Variants in CACNA2D3 observed in about 807,000 individuals in gnomAD.
CACNA2D3 encodes voltage-dependent calcium channel subunit alpha-2/delta-3.
Under a neutral mutation model 160.6 loss-of-function variants are expected in CACNA2D3, and 60 were observed. The ratio of observed to expected loss-of-function variants is 0.37; its 90% CI spans 0.30 to 0.46. The LOEUF is 0.46. Ranked by LOEUF, CACNA2D3 falls within the 20% of genes least tolerant of loss-of-function variation. The pLI, the probability that CACNA2D3 is intolerant of heterozygous loss-of-function variation, is 1.00. For missense variants in CACNA2D3, 1,205 were observed against 1,365.0 expected (o/e 0.88, Z 1.85); for synonymous variants, 558 against 492.9 (o/e 1.13, Z -1.75).
At chr3:54,942,326 G>A (rs972603600) in intron 27 of CACNA2D3, among the ~76,000 whole-genome samples, 1 of 152,184 alleles carries the variant, frequency 6.6e-6, no homozygotes, top group African/African-American at 2.4e-5. Context: ...AAGAAGTAGG[G>A]GCTGACCTCT....
Position 54,926,833 on chromosome 3 carries a change from GCTGTGCAGGAACTGGGAGAGGGT to G in CACNA2D3, c.2449+26968_2449+26990del, listed in dbSNP as rs1383282616. 1.2e-3 allele frequency among the ~76,000 whole-genome samples: 189 copies of G among 152,200 alleles called. 3 individuals are homozygous for G. The highest frequency in any genetic ancestry group is 2.4e-4 in the Non-Finnish European group (16 of 68,010). On this transcript the variant is annotated intron_variant, in intron 27 of 37. Transcript: ENST00000474759. ...CAGCATCCTTGTTCAGACTGCCTTGGCTGTGCAGGAACTGGGAGAGGGTCTCTGGAATCCAGAGAAATCTTCTC... is the reference window on the plus strand; with the variant it reads ...CAGCATCCTTGTTCAGACTGCCTTGGCTCTGGAATCCAGAGAAATCTTCTC...
At chr3:54,436,771 G>A (rs1282732213) in intron 4 of CACNA2D3, among the ~76,000 whole-genome samples, 1 of 152,186 alleles carries the variant, frequency 6.6e-6, no homozygotes, top group Non-Finnish European at 1.5e-5. Context: ...ACACCCTGGG[G>A]CCTGTCGGGG....
intron 27 of CACNA2D3, among the ~76,000 whole-genome samples, chr3:54,920,328 G>A (rs778759403): frequency 1.8e-4 from 27 of 152,122 alleles, no homozygotes; most frequent in Non-Finnish European, 3.1e-4. Flanking sequence ...TTATCAGGTG[G>A]CCCCAACACA....
At chr3:54,550,922 T>A (rs1702145857) in intron 5 of CACNA2D3, among the ~76,000 whole-genome samples, 1 of 152,202 alleles carries the variant, frequency 6.6e-6, no homozygotes, top group Non-Finnish European at 1.5e-5. Flanking sequence ...CTTCTCTCCC[T>A]CTGCCACCCT....
intron 17 of CACNA2D3, among the ~76,000 whole-genome samples, chr3:54,863,891 C>T (rs572225466): frequency 2.0e-5 from 3 of 152,288 alleles, no homozygotes; most frequent in African/African-American, 7.2e-5. Context: ...TGACATGCCC[C>T]GTTGCCTCCT....
At chr3:54,234,016 T>A (rs991860377) in intron 2 of CACNA2D3, among the ~76,000 whole-genome samples, 6 of 152,096 alleles carry the variant, frequency 3.9e-5, no homozygotes, top group African/African-American at 1.4e-4. Context: ...AGAAGTAGGA[T>A]CTAATTAAAC....
intron 2 of CACNA2D3, among the ~76,000 whole-genome samples, chr3:54,126,746 G>A (rs1699601389): frequency 6.6e-6 from 1 of 152,184 alleles, no homozygotes; most frequent in Admixed American, 6.5e-5. Context: ...CTGGAGGGAT[G>A]GTGCTGGTGC....
At chr3:54,578,140 A>C (rs1001093661) in intron 8 of CACNA2D3, among the ~76,000 whole-genome samples, 1 of 152,220 alleles carries the variant, frequency 6.6e-6, no homozygotes, top group Non-Finnish European at 1.5e-5. Context: ...GGGAAAGTTT[A>C]AGTACGTCTT....
chr3:54,288,249 C>T (rs775209003), intron 2 of CACNA2D3, among the ~76,000 whole-genome samples: 10 of 152,102 alleles, frequency 6.6e-5, no homozygotes, highest in East Asian at 1.9e-4. Flanking sequence ...ATATCACCAC[C>T]GATTCCACAG....
intron 10 of CACNA2D3, among the ~76,000 whole-genome samples, chr3:54,631,236 A>ACACACACACACACACACAC (rs1559532534): frequency 2.0e-5 from 3 of 151,514 alleles, no homozygotes; most frequent in Admixed American, 6.6e-5. Flanking sequence ...ACACACACAC[A>ACACACACACACACACACAC]AAGATAAATG....
chr3:54,191,869 C>T lies in CACNA2D3; in HGVS notation c.204+68275C>T, dbSNP rs562050798. On this transcript the variant is annotated intron_variant, in intron 2 of 37. Transcript: ENST00000474759. ...GGTAGTCAATGAAGGGCCCCAAAAG[C>T]GTTAGCTGTTGCTGTTGTTGATTAT... Among the ~76,000 whole-genome samples, 8 of 152,314 alleles carry T rather than the reference C, an allele frequency of 5.3e-5. No individual in the cohort carries two copies. In the South Asian group the frequency reaches 1.2e-3, roughly 24 times the overall value.
chr3:54,931,547 C>T (rs1575386293), intron 27 of CACNA2D3, among the ~76,000 whole-genome samples: 2 of 152,288 alleles, frequency 1.3e-5, no homozygotes, highest in Admixed American at 6.5e-5. Flanking sequence ...GAATGCAGCT[C>T]AGGCCAGAGC....
At chr3:54,784,936 A>G (rs548285276) in intron 13 of CACNA2D3, among the ~76,000 whole-genome samples, 8 of 152,346 alleles carry the variant, frequency 5.3e-5, no homozygotes, top group African/African-American at 1.4e-4. Flanking sequence ...TTTGGAGGAC[A>G]TCATGGGAAG....
At chr3:54,622,305 T>C (rs1699004798) in intron 9 of CACNA2D3, among the ~76,000 whole-genome samples, 1 of 152,230 alleles carries the variant, frequency 6.6e-6, no homozygotes, top group Non-Finnish European at 1.5e-5. Flanking sequence ...AAATGGAGTC[T>C]CGCTCTTTCG....
In CACNA2D3 at chr3:54,737,495, AT is replaced by A. The variant is rs572458980; in HGVS notation, c.1168-15098del. ...GGAAAGAACTTCAGGTGTCAAAGGA[AT>A]TTTTTACAAGTCTAGCCTGGGAAGA... On this transcript the variant is annotated intron_variant, in intron 11 of 37. Coordinates refer to ENST00000474759, the MANE Select transcript of CACNA2D3 (RefSeq NM_018398.3). Among the ~76,000 whole-genome samples the A allele has an allele frequency of 7.2e-5, 11 of 152,236 alleles. No individual in the cohort carries two copies. The East Asian group carries it at 2.1e-3, about 29-fold the overall frequency.
chr3:54,991,753 CG>C (rs1436427674), intron 31 of CACNA2D3, among the ~76,000 whole-genome samples: 1 of 152,112 alleles, frequency 6.6e-6, no homozygotes, highest in Non-Finnish European at 1.5e-5. Flanking sequence ...TGGCCATGGA[CG>C]GTGTCGTCAG....
At chr3:54,170,866 T>C (rs1490455723) in intron 2 of CACNA2D3, among the ~76,000 whole-genome samples, 1 of 152,152 alleles carries the variant, frequency 6.6e-6, no homozygotes, top group Non-Finnish European at 1.5e-5. Context: ...TAGATTCCAG[T>C]CATTCTCTAG....
At chr3:54,221,645 C>T (rs1301005301) in intron 2 of CACNA2D3, among the ~76,000 whole-genome samples, 1 of 152,004 alleles carries the variant, frequency 6.6e-6, no homozygotes, top group Non-Finnish European at 1.5e-5. Flanking sequence ...ATGCCAGTAC[C>T]CAAATTCACA....
intron 16 of CACNA2D3, among the ~76,000 whole-genome samples, chr3:54,842,068 T>C (rs1231572293): frequency 6.6e-6 from 1 of 152,250 alleles, no homozygotes; most frequent in East Asian, 1.9e-4. Context: ...AAAACTAATG[T>C]TGGACTTCGT....
Sources: gnomAD v4.1 joint callset for allele counts (sites outside exome capture counted in the v4.1 genomes callset) on GRCh38, gnomAD v4.1.1 for gene constraint, MANE v1.5 for transcripts, NCBI Gene and HGNC (gene_info 2026-07-23, HGNC 2026-07-21) for gene names.